The following BPNT2 variants were observed in gnomAD, a reference collection of about 807,000 sequenced individuals.
BPNT2 encodes the protein Golgi-resident adenosine 3',5'-bisphosphate 3'-phosphatase.
BPNT2 carries 11 observed loss-of-function variants against 29.3 expected under a neutral mutation model. The ratio of observed to expected loss-of-function variants is 0.38; its 90% CI spans 0.24 to 0.62. The LOEUF is 0.62. BPNT2 is among the 20% of genes least tolerant of loss of function. The pLI is 0.62. For missense variants in BPNT2, 459 were observed against 473.4 expected (o/e 0.97, Z 0.28); for synonymous variants, 195 against 187.7 (o/e 1.04, Z -0.32).
At position 56,993,319 on chromosome 8, in the gene BPNT2, G is replaced by A. The variant is rs758585849; in HGVS notation, c.267C>T (p.Val89=). 14 of 1,611,992 alleles carry A rather than the reference G, an allele frequency of 8.7e-6. No homozygotes were observed. The East Asian group carries it at 1.3e-4, about 15-fold the overall frequency. The change falls in exon 1 of 5, where the codon GTC becomes GTT. Residue 89 remains valine, a synonymous_variant. Coordinates refer to ENST00000262644, the MANE Select transcript of BPNT2 (RefSeq NM_017813.5). ...DEVRRVRESN[V]LHEKSKGKTR... Reference sequence around the variant, plus strand: ...TCTTCCCCTTGGACTTCTCGTGGAGGACGTTGCTCTCGCGGACGCGCCTCA... The same window carrying A: ...TCTTCCCCTTGGACTTCTCGTGGAGAACGTTGCTCTCGCGGACGCGCCTCA...
intron 1 of BPNT2, among the ~76,000 whole-genome samples, chr8:56,988,163 G>A (rs1203089327): frequency 6.6e-6 from 1 of 152,106 alleles, no homozygotes; most frequent in African/African-American, 2.4e-5. Flanking sequence ...ATGCTGTAGT[G>A]TCTCATATCT....
In BPNT2 at chr8:56,960,534, C is replaced by T. The variant is rs1277695293; in HGVS notation, c.*3259G>A. 6.6e-6 allele frequency: 1 copy of T among 152,126 alleles called. No individual in the cohort carries two copies. The highest frequency in any genetic ancestry group is 1.5e-5 in the Non-Finnish European group (1 of 68,022). 9.4% of individuals were successfully genotyped at this position (152,126 alleles called of 1,614,324 possible). A position where few individuals can be genotyped will look rare whatever the true frequency, so the allele number is the denominator to read the frequency against. On this transcript the variant is annotated 3_prime_UTR_variant, in exon 5 of 5. Coordinates refer to ENST00000262644, the MANE Select transcript of BPNT2 (RefSeq NM_017813.5). ...TTGTTACTTCATTATATAGTATAAA[C>T]AATCAACTGAATAATTACTGATTTA...
intron 4 of BPNT2, among the ~76,000 whole-genome samples, chr8:56,965,865 C>A (rs1051872162): frequency 1.3e-5 from 2 of 152,166 alleles, no homozygotes; most frequent in African/African-American, 4.8e-5. Context: ...CTTTCTTCCT[C>A]TCCTTGATAT....
intron 1 of BPNT2, among the ~76,000 whole-genome samples, chr8:56,981,350 A>T (rs1806239761): frequency 1.3e-5 from 2 of 152,200 alleles, no homozygotes; most frequent in South Asian, 4.1e-4. Flanking sequence ...CTGGATCACG[A>T]GGTCAAGAGA....
chr8:56,983,246 T>C (rs1166267225), intron 1 of BPNT2, among the ~76,000 whole-genome samples: 1 of 152,112 alleles, frequency 6.6e-6, no homozygotes, highest in Non-Finnish European at 1.5e-5. Context: ...TGCAATGAAG[T>C]TGTTTTGAAA....
intron 3 of BPNT2, 113 bp from the exon 4 acceptor site, chr8:56,966,465 A>AT (rs1236006134): frequency 2.2e-6 from 2 of 904,542 alleles, no homozygotes; most frequent in African/African-American, 3.3e-5. Context: ...TCTTCTAAAA[A>AT]ATTATTTGTA....
chr8:56,978,168 A>C (rs774634214), intron 2 of BPNT2, 23 bp from the exon 3 acceptor site: 4 of 1,385,932 alleles, frequency 2.9e-6, no homozygotes, highest in Non-Finnish European at 3.1e-6. Context: ...AAACAAAACA[A>C]CACACACAAA....
chr8:56,977,924 T>TG (rs1158577697), intron 3 of BPNT2, 126 bp downstream of exon 3: 2 of 724,966 alleles, frequency 2.8e-6, no homozygotes, highest in Non-Finnish European at 5.0e-6. Flanking sequence ...TAATTTGTGT[T>TG]TTTTTCTTAC....
intron 3 of BPNT2, 135 bp from the exon 4 acceptor site, chr8:56,966,487 A>G: frequency 1.3e-6 from 1 of 771,458 alleles, no homozygotes; most frequent in Admixed American, 2.3e-5. Context: ...TTTCCCCCAA[A>G]ACAGAAAGCT....
chr8:56,984,156 A>G (rs537733267), intron 1 of BPNT2, among the ~76,000 whole-genome samples: 1 of 152,314 alleles, frequency 6.6e-6, no homozygotes, highest in African/African-American at 2.4e-5. Context: ...TTTTTGCACA[A>G]TTCAAGTCAG....
rs1350090707 is a variant in BPNT2 at position 56,993,855 on chromosome 8, A to G, written c.-270T>C. On this transcript the variant is annotated 5_prime_UTR_variant, in exon 1 of 5. Coordinates refer to ENST00000262644, the MANE Select transcript of BPNT2 (RefSeq NM_017813.5). ...GCTGGTCCGACTTCCACGTTAGCCT[A>G]CGGCCGCGAGGTGAAAGGGGAGCGT... The G allele has an allele frequency of 4.8e-6, 1 of 208,612 alleles. No individual in the cohort carries two copies. The highest frequency in any genetic ancestry group is 8.3e-6 in the Non-Finnish European group (1 of 120,186). The allele number at this position is 208,612 out of a possible 1,614,324, so 12.9% of individuals were successfully genotyped here. A position where few individuals can be genotyped will look rare whatever the true frequency, so the allele number is the denominator to read the frequency against.
chr8:56,983,287 C>T (rs1378751018), intron 1 of BPNT2, among the ~76,000 whole-genome samples: 2 of 152,114 alleles, frequency 1.3e-5, no homozygotes, highest in Non-Finnish European at 2.9e-5. Flanking sequence ...AAGCCCCTCA[C>T]TGAAAAGGTG....
At chr8:56,964,172 G>A in intron 4 of BPNT2, 108 bp from the exon 5 acceptor site, 1 of 751,168 alleles carries the variant, frequency 1.3e-6, no homozygotes, top group Non-Finnish European at 2.2e-6. Context: ...GTGTGCAGGA[G>A]CTTGCTGCAG....
chr8:56,963,899 T>A lies in BPNT2; in HGVS notation c.974A>T (p.Tyr325Phe). 1 of 1,614,160 alleles carries A rather than the reference T, an allele frequency of 6.2e-7. No individual in the cohort carries two copies. The highest frequency in any genetic ancestry group is 8.5e-7 in the Non-Finnish European group (1 of 1,180,026). ...MTTLSGEEISYTGSDGIEGGL... is the reference protein window; with the variant it reads ...MTTLSGEEISFTGSDGIEGGL... Reference sequence around the variant, plus strand: ...CCCTTCAATGCCGTCTGAACCAGTGTAACTGATTTCTTCACCACTCAGGGT... The same window carrying A: ...CCCTTCAATGCCGTCTGAACCAGTGAAACTGATTTCTTCACCACTCAGGGT... The change falls in exon 5 of 5, where the codon TAC becomes TTC. Residue 325 changes from tyrosine to phenylalanine, a missense_variant. Transcript: ENST00000262644.
In BPNT2 at chr8:56,988,944, C is replaced by A. The variant is rs570928039; in HGVS notation, c.387+4255G>T. Among the ~76,000 whole-genome samples the A allele has an allele frequency of 5.3e-5, 8 of 152,212 alleles. No homozygotes were observed. In the East Asian group the frequency reaches 1.5e-3, roughly 29 times the overall value. On this transcript the variant is annotated intron_variant, in intron 1 of 4. Coordinates refer to ENST00000262644, the MANE Select transcript of BPNT2 (RefSeq NM_017813.5). ...ACATCTATCTTCTCTACAACCATAA[C>A]CCTAATTCAAAAGATATAAGCTCTC...
At chr8:56,982,410 C>G (rs923657671) in intron 1 of BPNT2, among the ~76,000 whole-genome samples, 1 of 152,144 alleles carries the variant, frequency 6.6e-6, no homozygotes, top group Non-Finnish European at 1.5e-5. Flanking sequence ...CATGAGCCAC[C>G]GCGCCTGGTA....
intron 1 of BPNT2, among the ~76,000 whole-genome samples, chr8:56,984,796 C>T (rs1340618982): frequency 6.6e-6 from 1 of 150,768 alleles, no homozygotes; most frequent in Non-Finnish European, 1.5e-5. Flanking sequence ...AGATAAAATC[C>T]AGACTCCTTA....
intron 1 of BPNT2, among the ~76,000 whole-genome samples, chr8:56,987,438 G>A (rs1480189176): frequency 6.6e-6 from 1 of 152,116 alleles, no homozygotes; most frequent in Non-Finnish European, 1.5e-5. Context: ...ACAAAAGGAG[G>A]GAGAAGAAAG....
chr8:56,968,802 G>A lies in BPNT2; in HGVS notation c.647-2450C>T, dbSNP rs117163458. On this transcript the variant is annotated intron_variant, in intron 3 of 4. Transcript: ENST00000262644. Reference sequence around the variant, plus strand: ...TTACATCATTGAAGTTTAGTGGGTTGAATGAACAGTATCCTACCAAACTTC... The same window carrying A: ...TTACATCATTGAAGTTTAGTGGGTTAAATGAACAGTATCCTACCAAACTTC... Among the ~76,000 whole-genome samples the A allele has an allele frequency of 5.4e-3, 826 of 152,322 alleles. 7 individuals carry two copies. Among genetic ancestry groups the A allele is most frequent in the Non-Finnish European group, 9.5e-3 (648 of 68,022 alleles).
Sources: allele counts gnomAD v4.1 joint callset (sites outside exome capture counted in the v4.1 genomes callset), GRCh38; gene constraint gnomAD v4.1.1; transcripts MANE v1.5; gene names NCBI Gene and HGNC (gene_info 2026-07-23, HGNC 2026-07-21).